RGS7: variants seen among roughly 807,000 people sequenced by gnomAD.
The protein encoded by RGS7 is regulator of G protein signaling 7, also known as regulator of G-protein signaling 7.
RGS7 carries 27 observed loss-of-function variants against 81.1 expected under a neutral mutation model. The ratio of observed to expected loss-of-function variants is 0.33; its 90% CI spans 0.25 to 0.46. The LOEUF (loss-of-function observed/expected upper bound fraction) is 0.46, where lower values mean the gene tolerates loss of function less well. Among genes scored for constraint, RGS7 ranks in the 20% least tolerant of loss-of-function variants. RGS7 has a pLI of 1.00. For missense variants in RGS7, 396 were observed against 607.4 expected, an observed-to-expected ratio of 0.65 and a Z score of 3.66; for synonymous variants, 208 against 207.7, an observed-to-expected ratio of 1.00 and a Z score of -0.01.
chr1:240,811,474 G>C (rs1455360257), intron 14 of RGS7, among the ~76,000 whole-genome samples: 2 of 152,204 alleles, frequency 1.3e-5, no homozygotes, highest in African/African-American at 4.8e-5. Context: ...CAGCCCAATA[G>C]TTTGGTTTCA....
chr1:241,098,812 A>G, intron 2 of RGS7, 50 bp from the exon 3 acceptor site: 1 of 1,334,358 alleles, frequency 7.5e-7, no homozygotes, highest in Non-Finnish European at 1.1e-6. Context: ...AACTTTTTTG[A>G]AAAAAAATCA....
intron 2 of RGS7, among the ~76,000 whole-genome samples, chr1:241,099,153 T>C (rs775857597): frequency 1.4e-4 from 22 of 152,346 alleles, no homozygotes; most frequent in African/African-American, 4.3e-4. Context: ...AAGTAGAGCC[T>C]TAAAAGCATC....
intron 3 of RGS7, among the ~76,000 whole-genome samples, chr1:240,985,395 C>T (rs1035087770): frequency 6.6e-6 from 1 of 152,112 alleles, no homozygotes; most frequent in African/African-American, 2.4e-5. Context: ...CTCTTAGAGA[C>T]TAAGTTTTTA....
rs572191626 is a variant in RGS7, at chr1:240,973,048, T to TA, written c.226+10030dup. Among the ~76,000 whole-genome samples, 151 of 136,440 alleles carry TA rather than the reference T, an allele frequency of 1.1e-3. 1 individual carries two copies. Among genetic ancestry groups the TA allele is most frequent in the South Asian group, 6.1e-3 (26 of 4,244 alleles). The allele number at this position is 136,440 out of a possible 152,430, so 89.5% of individuals were successfully genotyped here. A position where few individuals can be genotyped will look rare whatever the true frequency, so the allele number is the denominator to read the frequency against. On this transcript the variant is annotated intron_variant, in intron 4 of 18. Transcript: ENST00000440928. ...TGGACAACAGGAGAAAGACTCCAAT[T>TA]AAAAAAAAAAAAAGGAGCAGGCACA...
intron 1 of RGS7, among the ~76,000 whole-genome samples, chr1:241,356,613 A>G (rs1026711218): frequency 3.3e-5 from 5 of 152,132 alleles, no homozygotes; most frequent in Non-Finnish European, 5.9e-5. Context: ...AAGAGGAGAA[A>G]ACAGGCAAGC....
At chr1:240,813,907 T>C (rs1221430895) in intron 12 of RGS7, among the ~76,000 whole-genome samples, 179 bp from the exon 13 acceptor site, 2 of 152,224 alleles carry the variant, frequency 1.3e-5, no homozygotes, top group East Asian at 1.9e-4. Context: ...TTGTGCTTCT[T>C]GGCAGACAAC....
chr1:241,165,813 A>G (rs1189874121), intron 2 of RGS7, among the ~76,000 whole-genome samples: 1 of 151,944 alleles, frequency 6.6e-6, no homozygotes, highest in Non-Finnish European at 1.5e-5. Flanking sequence ...CAGCCCTGAA[A>G]AAAAAAAAGA....
Position 241,207,218 on chromosome 1 carries a change from C to T in RGS7, c.79-108456G>A, listed in dbSNP as rs1450139831. ...TCCCGACCTCGTGATCTGCCCGCCTCGGCCTCCCAAAGTCTCTTTGTTTCT... is the reference window on the plus strand; with the variant it reads ...TCCCGACCTCGTGATCTGCCCGCCTTGGCCTCCCAAAGTCTCTTTGTTTCT... On this transcript the variant is annotated intron_variant, in intron 2 of 18. Transcript: ENST00000440928. Among the ~76,000 whole-genome samples, 5 of 150,828 alleles carry T rather than the reference C, an allele frequency of 3.3e-5. No homozygotes were observed. The East Asian group carries it at 5.8e-4, about 18-fold the overall frequency.
In RGS7 at chr1:240,869,277, C is replaced by A. The variant is rs750227751; in HGVS notation, c.451-425G>T. On this transcript the variant is annotated intron_variant, in intron 7 of 18. Transcript: ENST00000440928. The stretch of plus-strand genomic sequence containing the variant: ...GACAATACATGGCACACCCTGGCGG[C>A]CCACAACCTATTCCTACACAGTGCT... 3.8e-4 allele frequency among the ~76,000 whole-genome samples: 58 copies of A among 152,116 alleles called. 1 individual carries two copies. The highest frequency in any genetic ancestry group is 6.5e-4 in the Non-Finnish European group (44 of 67,988).
intron 3 of RGS7, among the ~76,000 whole-genome samples, chr1:240,991,614 C>T (rs1686471920): frequency 6.6e-6 from 1 of 152,168 alleles, no homozygotes; most frequent in African/African-American, 2.4e-5. Flanking sequence ...ACTAAGTCCG[C>T]AGTGTTTCCT....
intron 3 of RGS7, among the ~76,000 whole-genome samples, chr1:241,062,518 G>C (rs1215243232): frequency 1.3e-5 from 2 of 152,216 alleles, no homozygotes. Flanking sequence ...GAAGTTAATA[G>C]TTTTGAAGAA....
intron 9 of RGS7, among the ~76,000 whole-genome samples, chr1:240,857,790 C>T (rs1661417740): frequency 6.6e-6 from 1 of 152,186 alleles, no homozygotes; most frequent in Non-Finnish European, 1.5e-5. Context: ...TTGTAGTTCC[C>T]GTAATCCCCA....
At chr1:241,339,042 C>T (rs142488261) in intron 2 of RGS7, among the ~76,000 whole-genome samples, 111 of 152,152 alleles carry the variant, frequency 7.3e-4, no homozygotes, top group African/African-American at 2.5e-3. Context: ...ATGCTCTCTG[C>T]CCCCCAACCC....
chr1:241,131,291 A>G (rs547392754), intron 2 of RGS7, among the ~76,000 whole-genome samples: 1 of 152,346 alleles, frequency 6.6e-6, no homozygotes, highest in South Asian at 2.1e-4. Context: ...CATTTACTTG[A>G]ATCTAATCAT....
intron 2 of RGS7, among the ~76,000 whole-genome samples, chr1:241,258,212 C>T (rs1276608515): frequency 6.6e-6 from 1 of 151,988 alleles, no homozygotes; most frequent in Non-Finnish European, 1.5e-5. Context: ...GAATTAATTG[C>T]AGCACTTCAA....
intron 3 of RGS7, among the ~76,000 whole-genome samples, chr1:241,067,984 C>T (rs1176304187): frequency 6.6e-6 from 1 of 151,550 alleles, no homozygotes; most frequent in Non-Finnish European, 1.5e-5. Context: ...ATGTGATGGG[C>T]TGAGTCCAAG....
At chr1:241,256,392 C>T (rs78637653) in intron 2 of RGS7, among the ~76,000 whole-genome samples, 3,871 of 152,188 alleles carry the variant, frequency 0.025, 171 homozygotes, top group African/African-American at 0.087. Flanking sequence ...AGAAAAGTAC[C>T]AACCAGCTGA....
At chr1:240,987,870 A>G (rs1310722267) in intron 3 of RGS7, among the ~76,000 whole-genome samples, 1 of 152,218 alleles carries the variant, frequency 6.6e-6, no homozygotes, top group Non-Finnish European at 1.5e-5. Flanking sequence ...AAGACTTTCT[A>G]TATACTAAAA....
chr1:240,791,836 C>T (rs1239891430), intron 18 of RGS7, among the ~76,000 whole-genome samples: 1 of 152,080 alleles, frequency 6.6e-6, no homozygotes, highest in Non-Finnish European at 1.5e-5. Context: ...ATACTTAAAA[C>T]AAATTTATAA....
Sources: allele counts gnomAD v4.1 joint callset (sites outside exome capture counted in the v4.1 genomes callset), GRCh38; gene constraint gnomAD v4.1.1; transcripts MANE v1.5; gene names NCBI Gene and HGNC (gene_info 2026-07-23, HGNC 2026-07-21).